SLC4A7: variants seen among roughly 807,000 people sequenced by gnomAD.
The protein encoded by SLC4A7 is sodium bicarbonate cotransporter 3.
In SLC4A7, 51 loss-of-function variants were observed where a neutral mutation model predicts 137.6. The ratio of observed to expected loss-of-function variants is 0.37; its 90% CI spans 0.30 to 0.47. The LOEUF (loss-of-function observed/expected upper bound fraction) is 0.47, where lower values mean the gene tolerates loss of function less well. SLC4A7 is among the 20% of genes least tolerant of loss of function. The pLI is 1.00. For missense variants in SLC4A7, 1,247 were observed against 1,525.4 expected (o/e 0.82, Z 3.04); for synonymous variants, 542 against 518.6 (o/e 1.05, Z -0.61).
At chr3:27,427,615 G>A (rs147161838) in intron 7 of SLC4A7, among the ~76,000 whole-genome samples, 119 of 152,176 alleles carry the variant, frequency 7.8e-4, no homozygotes, top group African/African-American at 2.7e-3. Context: ...GAGACATAAT[G>A]ATGCTGAGGC....
At chr3:27,422,783 C>A (rs764280000) in intron 8 of SLC4A7, 4 of 455,616 alleles carry the variant, frequency 8.8e-6, no homozygotes, top group African/African-American at 6.0e-5. Flanking sequence ...GCACTTACAG[C>A]GGGCCTCTTG....
At position 27,398,189 on chromosome 3, in the gene SLC4A7, T is replaced by TA. The variant is rs1304778387; in HGVS notation, c.2589+2dup. 1.2e-6 allele frequency: 2 copies of TA among 1,600,900 alleles called. No individual in the cohort carries two copies. The highest frequency in any genetic ancestry group is 2.2e-5 in the South Asian group (2 of 88,904). On this transcript the variant is annotated splice_region_variant and intron_variant, in intron 17 of 25. Transcript: ENST00000454389. ...CAGAATTCCAAAATTATATCACAGT[T>TA]ACCTTGGTAGGAAAGTAACGCTTGG...
At chr3:27,479,041 C>T (rs2059599458) in intron 1 of SLC4A7, among the ~76,000 whole-genome samples, 1 of 151,796 alleles carries the variant, frequency 6.6e-6, no homozygotes, top group South Asian at 2.1e-4. Context: ...CAAACTAGAA[C>T]CTGTCTGTAT....
At position 27,428,536 on chromosome 3, in the gene SLC4A7, T is replaced by C. The variant is rs1328738299; in HGVS notation, c.1150+2762A>G. Among the ~76,000 whole-genome samples the C allele has an allele frequency of 6.1e-4, 93 of 152,220 alleles. 2 individuals are homozygous for C. The highest frequency in any genetic ancestry group is 6.1e-3 in the Admixed American group (93 of 15,274). ...GCAACTACAATGAGCTTTGGCTAAA[T>C]GTAACTGGTGTGTTTCCATAAAGCC... is the stretch of plus-strand genomic sequence containing the variant. On this transcript the variant is annotated intron_variant, in intron 7 of 25. Coordinates refer to ENST00000454389, the MANE Select transcript of SLC4A7 (RefSeq NM_001321103.2).
chr3:27,464,086 G>C (rs572678872), intron 1 of SLC4A7, among the ~76,000 whole-genome samples: 2 of 151,844 alleles, frequency 1.3e-5, no homozygotes, highest in Non-Finnish European at 2.9e-5. Flanking sequence ...CGAGACACAA[G>C]AATCGCTTGA....
At chr3:27,393,189 C>A (rs1029243331) in intron 20 of SLC4A7, among the ~76,000 whole-genome samples, 40 of 152,234 alleles carry the variant, frequency 2.6e-4, no homozygotes, top group Admixed American at 2.4e-3. Context: ...AAGCCCCTAA[C>A]TGCCTCCCTA....
At chr3:27,393,686 A>T (rs1356241568) in intron 20 of SLC4A7, among the ~76,000 whole-genome samples, 1 of 152,210 alleles carries the variant, frequency 6.6e-6, no homozygotes, top group Non-Finnish European at 1.5e-5. Context: ...TACCATCGTA[A>T]TATCATTTAT....
At chr3:27,425,370 TAAA>T (rs56153970) in intron 7 of SLC4A7, among the ~76,000 whole-genome samples, 3 of 56,998 alleles carry the variant, frequency 5.3e-5, no homozygotes, top group African/African-American at 8.4e-5. Context: ...AACTCCGTCC[TAAA>T]AAAAAAAAAA....
chr3:27,395,801 G>C (rs964033605), intron 18 of SLC4A7, among the ~76,000 whole-genome samples: 2 of 152,180 alleles, frequency 1.3e-5, no homozygotes, highest in Admixed American at 1.3e-4. Context: ...ATTTCCACAT[G>C]TTCCTGCATA....
chr3:27,462,174 G>C (rs1474738523), intron 1 of SLC4A7, among the ~76,000 whole-genome samples: 1 of 152,132 alleles, frequency 6.6e-6, no homozygotes, highest in East Asian at 1.9e-4. Context: ...GGGAGACACA[G>C]ACACTTTTGT....
chr3:27,399,325 G>T (rs1172795951), intron 16 of SLC4A7, among the ~76,000 whole-genome samples: 1 of 152,130 alleles, frequency 6.6e-6, no homozygotes, highest in Admixed American at 6.5e-5. Flanking sequence ...ATCATGAAAT[G>T]AATTATTTGT....
intron 21 of SLC4A7, among the ~76,000 whole-genome samples, chr3:27,391,391 T>A (rs1030811027): frequency 3.3e-5 from 5 of 152,212 alleles, no homozygotes; most frequent in African/African-American, 1.2e-4. Flanking sequence ...GGTCTTGCTA[T>A]TTTTATAGGA....
At chr3:27,395,546 TA>T (rs1371793333) in intron 18 of SLC4A7, among the ~76,000 whole-genome samples, 4 of 152,156 alleles carry the variant, frequency 2.6e-5, no homozygotes, top group African/African-American at 9.7e-5. Context: ...CTATCCTCAA[TA>T]TAGTCTATAT....
chr3:27,459,110 C>G (rs2058561437), intron 1 of SLC4A7, among the ~76,000 whole-genome samples: 1 of 152,134 alleles, frequency 6.6e-6, no homozygotes. Flanking sequence ...TGGTCAAGCA[C>G]ATGTCCTTTC....
intron 12 of SLC4A7, among the ~76,000 whole-genome samples, chr3:27,410,226 T>C (rs2053772329): frequency 6.6e-6 from 1 of 152,200 alleles, no homozygotes; most frequent in Admixed American, 6.5e-5. Flanking sequence ...GTCTTTTGGA[T>C]ACATCTAACT....
intron 23 of SLC4A7, 150 bp downstream of exon 23, chr3:27,385,742 G>A (rs2050874090): frequency 2.0e-6 from 1 of 512,692 alleles, no homozygotes; most frequent in Admixed American, 4.0e-5. Flanking sequence ...TTATAAAATG[G>A]AGATAACAGC....
chr3:27,462,103 T>C (rs946824559), intron 1 of SLC4A7, among the ~76,000 whole-genome samples: 3 of 152,146 alleles, frequency 2.0e-5, no homozygotes, highest in Non-Finnish European at 4.4e-5. Context: ...GGACCGTACA[T>C]GAGATTTAAT....
chr3:27,427,017 T>C (rs2055704847), intron 7 of SLC4A7, among the ~76,000 whole-genome samples: 1 of 152,256 alleles, frequency 6.6e-6, no homozygotes, highest in Non-Finnish European at 1.5e-5. Context: ...TTTCAAATTT[T>C]AAACTTTTCA....
At chr3:27,398,415 T>C in intron 16 of SLC4A7, 62 bp from the exon 17 acceptor site, 2 of 1,381,566 alleles carry the variant, frequency 1.4e-6, no homozygotes, top group East Asian at 2.3e-5. Context: ...TAAATTATTA[T>C]GAGCTTCATT....
Sources: allele counts gnomAD v4.1 joint callset (sites outside exome capture counted in the v4.1 genomes callset), GRCh38; gene constraint gnomAD v4.1.1; transcripts MANE v1.5; gene names NCBI Gene and HGNC (gene_info 2026-07-23, HGNC 2026-07-21).